Variants in IRAK2 observed in about 807,000 individuals in gnomAD.
IRAK2 encodes interleukin 1 receptor associated kinase 2.
In IRAK2, 57 loss-of-function variants were observed where a neutral mutation model predicts 72.0. The ratio of observed to expected loss-of-function variants is 0.79; its 90% CI spans 0.64 to 0.99. IRAK2 has a LOEUF of 0.99. IRAK2 is among the 50% of genes least tolerant of loss of function. The pLI is 0.00. For missense variants in IRAK2, 790 were observed against 794.4 expected (o/e 0.99, Z 0.07); for synonymous variants, 293 against 312.7 (o/e 0.94, Z 0.67).
chr3:10,202,440 G>A (rs572012335), intron 3 of IRAK2, among the ~76,000 whole-genome samples: 21 of 152,054 alleles, frequency 1.4e-4, no homozygotes, highest in African/African-American at 4.6e-4. Flanking sequence ...TGGCTAACAC[G>A]GTGAAACCCT....
At chr3:10,218,423 C>CAAAAAA (rs56893916) in intron 7 of IRAK2, among the ~76,000 whole-genome samples, 1 of 49,286 alleles carries the variant, frequency 2.0e-5, no homozygotes. Context: ...GACTCCGTCT[C>CAAAAAA]AAAAAAAAAA....
chr3:10,206,126 TTGGGA>T (rs63034260), intron 3 of IRAK2, among the ~76,000 whole-genome samples: 9,789 of 152,252 alleles, frequency 0.064, 477 homozygotes, highest in East Asian at 0.19. Flanking sequence ...TGGGAGAGCC[TTGGGA>T]CCATGGTGCG....
At chr3:10,165,794 G>A (rs370910326) in intron 1 of IRAK2, among the ~76,000 whole-genome samples, 5 of 141,608 alleles carry the variant, frequency 3.5e-5, no homozygotes, top group African/African-American at 1.1e-4. Flanking sequence ...GCAGTGGCGC[G>A]ATCTAGGCTC....
At chr3:10,216,815 G>A (rs1282369146) in intron 6 of IRAK2, 119 bp from the exon 7 acceptor site, 3 of 727,242 alleles carry the variant, frequency 4.1e-6, no homozygotes, top group African/African-American at 1.7e-5. Flanking sequence ...AGAGTATGTG[G>A]TACCTGGGAG....
At chr3:10,198,180 C>A (rs923768115) in intron 2 of IRAK2, among the ~76,000 whole-genome samples, 1 of 152,230 alleles carries the variant, frequency 6.6e-6, no homozygotes, top group African/African-American at 2.4e-5. Context: ...GCCTGGGCGA[C>A]AGAGCGAGAC....
At chr3:10,198,711 G>A (rs777763950) in intron 2 of IRAK2, among the ~76,000 whole-genome samples, 2 of 152,132 alleles carry the variant, frequency 1.3e-5, no homozygotes, top group African/African-American at 4.8e-5. Flanking sequence ...GAAAAGTGAG[G>A]TCCCAGGGTA....
intron 2 of IRAK2, among the ~76,000 whole-genome samples, chr3:10,196,743 C>T (rs545573214): frequency 6.6e-6 from 1 of 152,302 alleles, no homozygotes; most frequent in Non-Finnish European, 1.5e-5. Flanking sequence ...TCTTGTTCCC[C>T]GCTGAGCCTC....
At chr3:10,182,995 C>T (rs1342600326) in intron 2 of IRAK2, among the ~76,000 whole-genome samples, 1 of 152,030 alleles carries the variant, frequency 6.6e-6, no homozygotes, top group East Asian at 1.9e-4. Flanking sequence ...TATTCTTGAA[C>T]TCCTGGCCTC....
At chr3:10,183,719 CAAAATAAA>C (rs928199914) in intron 2 of IRAK2, among the ~76,000 whole-genome samples, 7 of 118,566 alleles carry the variant, frequency 5.9e-5, no homozygotes, top group East Asian at 3.9e-4. Flanking sequence ...GACTCCGTCT[CAAAATAAA>C]TAAATAAATA....
chr3:10,219,610 A>G (rs3895947), intron 7 of IRAK2, 70 bp from the exon 8 acceptor site: 855,884 of 1,180,056 alleles, frequency 0.73, 319,847 homozygotes, highest in Non-Finnish European at 0.78. Context: ...GAGCCACCGC[A>G]CCTGGCTGCC....
intron 2 of IRAK2, among the ~76,000 whole-genome samples, chr3:10,190,804 A>G (rs1697163320): frequency 6.6e-6 from 1 of 152,184 alleles, no homozygotes; most frequent in African/African-American, 2.4e-5. Flanking sequence ...CTAGTTCCTC[A>G]ACGCAACAAA....
rs748956775 is a variant in IRAK2 at position 10,226,405 on chromosome 3, T to A, written c.1244T>A (p.Met415Lys). 6.2e-7 allele frequency: 1 copy of A among 1,613,632 alleles called. No homozygotes were observed. The highest frequency in any genetic ancestry group is 1.1e-5 in the South Asian group (1 of 90,984). Residue 415 changes from methionine to lysine, a missense_variant, in exon 10 of 13, where the codon ATG (methionine) becomes AAG (lysine). Physicochemically the swap from Met to Lys is moderately conservative, Grantham distance 95. Transcript: ENST00000256458. The part of the protein sequence containing the change: ...LAEVLTGIPA[M>K]DNNRSPVYLK... ...GAGGTCCTCACGGGCATCCCTGCAA[T>A]GGATAACAACCGAAGCCCGGTTTAC...
intron 3 of IRAK2, among the ~76,000 whole-genome samples, chr3:10,201,753 A>T (rs761705199): frequency 5.3e-5 from 8 of 152,044 alleles, no homozygotes; most frequent in Non-Finnish European, 1.0e-4. Flanking sequence ...GCCCTGCCTC[A>T]CCTCCTGTCT....
At chr3:10,216,033 C>A (rs1697600257) in intron 6 of IRAK2, among the ~76,000 whole-genome samples, 1 of 152,134 alleles carries the variant, frequency 6.6e-6, no homozygotes, top group Non-Finnish European at 1.5e-5. Flanking sequence ...AATAGGATGG[C>A]TTGCGGGAAG....
At chr3:10,219,337 G>A (rs1697652511) in intron 7 of IRAK2, among the ~76,000 whole-genome samples, 5 of 132,658 alleles carry the variant, frequency 3.8e-5, no homozygotes. Context: ...GTTTTTTTTT[G>A]AGATGGAGTC....
At chr3:10,237,325 A>G (rs1016576770) in intron 11 of IRAK2, among the ~76,000 whole-genome samples, 1 of 152,192 alleles carries the variant, frequency 6.6e-6, no homozygotes, top group Non-Finnish European at 1.5e-5. Flanking sequence ...CTTAGCTCTT[A>G]GTACATCACA....
intron 4 of IRAK2, among the ~76,000 whole-genome samples, chr3:10,211,272 TC>T (rs1320553506): frequency 6.6e-6 from 1 of 152,034 alleles, no homozygotes; most frequent in Non-Finnish European, 1.5e-5. Context: ...CTCCTGAGTA[TC>T]CGGGATTATA....
intron 2 of IRAK2, 61 bp downstream of exon 2, chr3:10,178,081 GT>G: frequency 7.5e-7 from 1 of 1,337,830 alleles, no homozygotes; most frequent in Non-Finnish European, 1.0e-6. Context: ...GTTTCCATCC[GT>G]GTGAGTTGCA....
At chr3:10,180,111 T>C (rs1696938205) in intron 2 of IRAK2, among the ~76,000 whole-genome samples, 1 of 152,168 alleles carries the variant, frequency 6.6e-6, no homozygotes, top group Admixed American at 6.5e-5. Flanking sequence ...GAAGGGTGGC[T>C]GTGAAGTCGA....
Sources: gnomAD v4.1 joint callset for allele counts (sites outside exome capture counted in the v4.1 genomes callset) on GRCh38, gnomAD v4.1.1 for gene constraint, MANE v1.5 for transcripts, NCBI Gene and HGNC (gene_info 2026-07-23, HGNC 2026-07-21) for gene names.